Variants in MBD5 observed in about 807,000 individuals in gnomAD.
MBD5 encodes methyl-CpG-binding domain protein 5.
A neutral mutation model predicts 117.3 loss-of-function variants in MBD5; 13 were observed. The observed-to-expected ratio is 0.11, with a 90% CI of 0.07 to 0.18. MBD5 has a LOEUF of 0.18. Among genes scored for constraint, MBD5 ranks in the 10% least tolerant of loss-of-function variants. MBD5 has a pLI of 1.00. For synonymous variants in MBD5, 727 were observed against 766.4 expected (o/e 0.95, Z 0.85); for missense variants, 1,879 against 2,093.8 (o/e 0.90, Z 2.00).
At chr2:148,165,664 T>A (rs1360041450) in intron 1 of MBD5, among the ~76,000 whole-genome samples, 1 of 152,106 alleles carries the variant, frequency 6.6e-6, no homozygotes, top group Admixed American at 6.5e-5. Context: ...TTATGTAACA[T>A]ATTTTTATAT....
At chr2:148,260,868 T>C (rs1700715240) in intron 3 of MBD5, among the ~76,000 whole-genome samples, 1 of 152,206 alleles carries the variant, frequency 6.6e-6, no homozygotes, top group Admixed American at 6.5e-5. Flanking sequence ...ATTTTCAAGT[T>C]GAAAGACTTG....
At chr2:148,036,827 T>C (rs1469319082) in intron 1 of MBD5, among the ~76,000 whole-genome samples, 2 of 152,062 alleles carry the variant, frequency 1.3e-5, no homozygotes, top group Admixed American at 1.3e-4. Context: ...TGTTTTAATT[T>C]TCATATTAAA....
chr2:148,332,914 C>A (rs942771128), intron 3 of MBD5, among the ~76,000 whole-genome samples: 12 of 151,734 alleles, frequency 7.9e-5, no homozygotes, highest in Non-Finnish European at 1.6e-4. Context: ...GGATGTTGAA[C>A]CTCCCAGACT....
rs540711674 is a variant in MBD5, at chr2:148,111,728, A to G, written c.-924-66972A>G. Among the ~76,000 whole-genome samples, 12 of 152,246 alleles carry G rather than the reference A, an allele frequency of 7.9e-5. 2 individuals carry two copies. In the South Asian group the frequency reaches 2.1e-3, roughly 26 times the overall value. On this transcript the variant is annotated intron_variant, in intron 1 of 13. Coordinates refer to ENST00000642680, the MANE Select transcript of MBD5 (RefSeq NM_001378120.1). The stretch of plus-strand genomic sequence containing the variant: ...ATTATCAAATGGTTCAGCAAAAATT[A>G]TAGTATATATACAGATACACAGAGG...
chr2:148,414,503 T>A (rs1371176276), intron 4 of MBD5, among the ~76,000 whole-genome samples: 1 of 152,272 alleles, frequency 6.6e-6, no homozygotes, highest in East Asian at 1.9e-4. Flanking sequence ...CCAGTTCAGG[T>A]CCCAGATATC....
chr2:148,043,471 A>G (rs1694429535), intron 1 of MBD5, among the ~76,000 whole-genome samples: 1 of 151,146 alleles, frequency 6.6e-6, no homozygotes, highest in Non-Finnish European at 1.5e-5. Flanking sequence ...AAATAAATAA[A>G]TAAATAAATA....
intron 3 of MBD5, among the ~76,000 whole-genome samples, chr2:148,323,983 G>A (rs1283716933): frequency 7.9e-5 from 12 of 152,084 alleles, no homozygotes; most frequent in South Asian, 2.1e-4. Context: ...TAGGTCTAAC[G>A]TTTAAGTCTT....
At chr2:148,266,773 A>G (rs1700870686) in intron 3 of MBD5, among the ~76,000 whole-genome samples, 1 of 152,178 alleles carries the variant, frequency 6.6e-6, no homozygotes. Context: ...ACAGGCACTT[A>G]TAAACAATTT....
intron 1 of MBD5, among the ~76,000 whole-genome samples, chr2:148,171,983 G>A (rs1698274128): frequency 6.6e-6 from 1 of 152,196 alleles, no homozygotes; most frequent in Non-Finnish European, 1.5e-5. Context: ...GACCAGCCTG[G>A]ACAGCATAGC....
At chr2:148,402,706 C>A (rs969181442) in intron 4 of MBD5, among the ~76,000 whole-genome samples, 2 of 152,080 alleles carry the variant, frequency 1.3e-5, no homozygotes, top group East Asian at 1.9e-4. Flanking sequence ...ATAAATAGTT[C>A]TTTTTTTCTG....
intron 3 of MBD5, among the ~76,000 whole-genome samples, chr2:148,266,850 A>G (rs1440945521): frequency 6.6e-6 from 1 of 152,186 alleles, no homozygotes; most frequent in Admixed American, 6.5e-5. Flanking sequence ...GACTAACACA[A>G]TAAAACGCAA....
intron 2 of MBD5, among the ~76,000 whole-genome samples, chr2:148,196,997 C>T (rs997176162): frequency 1.7e-4 from 26 of 152,130 alleles, no homozygotes; most frequent in Admixed American, 6.5e-5. Flanking sequence ...CCAAAACCAG[C>T]TACAGAAATA....
rs1166521508 is a variant in MBD5, at chr2:148,021,344, C to G, written c.-1265C>G. On this transcript the variant is annotated 5_prime_UTR_variant, in exon 1 of 14. Transcript: ENST00000642680. ...TCTTCGAAAACCCCCATCCACGACT[C>G]CTACCCCCTCACCCCTCCAACTCGC... 6 of 400,494 alleles carry G rather than the reference C, an allele frequency of 1.5e-5. No homozygotes were observed. Among genetic ancestry groups the G allele is most frequent in the Admixed American group, 8.5e-5 (3 of 35,108 alleles). The allele number at this position is 400,494 out of a possible 1,614,324, so 24.8% of individuals were successfully genotyped here. A position where few individuals can be genotyped will look rare whatever the true frequency, so the allele number is the denominator to read the frequency against.
At chr2:148,309,229 A>C (rs934316861) in intron 3 of MBD5, among the ~76,000 whole-genome samples, 1 of 152,182 alleles carries the variant, frequency 6.6e-6, no homozygotes. Flanking sequence ...CATTGAATCT[A>C]TAAATTACTT....
chr2:148,382,619 C>T (rs1164256872), intron 4 of MBD5, among the ~76,000 whole-genome samples: 2 of 152,204 alleles, frequency 1.3e-5, no homozygotes, highest in Admixed American at 6.5e-5. Context: ...TAGACATCTA[C>T]AGAACTCTCC....
At chr2:148,068,207 GA>G (rs148363482) in intron 1 of MBD5, among the ~76,000 whole-genome samples, 2 of 151,896 alleles carry the variant, frequency 1.3e-5, no homozygotes, top group African/African-American at 4.8e-5. Flanking sequence ...AAGAGGCCAG[GA>G]AAAAAAAGCT....
chr2:148,284,076 A>G (rs1425588821), intron 3 of MBD5, among the ~76,000 whole-genome samples: 1 of 152,222 alleles, frequency 6.6e-6, no homozygotes, highest in South Asian at 2.1e-4. Context: ...TTACACAAAT[A>G]GTAGCATACT....
At chr2:148,335,676 A>G (rs1427680195) in intron 3 of MBD5, among the ~76,000 whole-genome samples, 1 of 152,088 alleles carries the variant, frequency 6.6e-6, no homozygotes, top group Non-Finnish European at 1.5e-5. Flanking sequence ...CCATGATCGC[A>G]CCACTGCTCT....
intron 3 of MBD5, among the ~76,000 whole-genome samples, chr2:148,290,663 G>A (rs1424555671): frequency 6.6e-6 from 1 of 151,962 alleles, no homozygotes; most frequent in Non-Finnish European, 1.5e-5. Context: ...TATTTTTAAT[G>A]TTCATCAATA....
Sources: gnomAD v4.1 joint callset for allele counts (sites outside exome capture counted in the v4.1 genomes callset) on GRCh38, gnomAD v4.1.1 for gene constraint, MANE v1.5 for transcripts, NCBI Gene and HGNC (gene_info 2026-07-23, HGNC 2026-07-21) for gene names.